The following PACRG variants were observed in gnomAD, a reference collection of about 807,000 sequenced individuals.
The protein encoded by PACRG is parkin coregulated.
Under a neutral mutation model 29.7 loss-of-function variants are expected in PACRG, and 29 were observed. The ratio of observed to expected loss-of-function variants is 0.98; its 90% confidence interval spans 0.73 to 1.33. PACRG has a LOEUF of 1.33. Ranked by LOEUF, PACRG falls within the 40% of genes most tolerant of loss-of-function variation. The pLI is 0.00. For synonymous variants in PACRG, 116 were observed against 118.7 expected (o/e 0.98, Z 0.15); for missense variants, 279 against 316.2 (o/e 0.88, Z 0.89).
At chr6:163,096,676 A>G (rs1051310617) in intron 4 of PACRG, among the ~76,000 whole-genome samples, 1 of 152,200 alleles carries the variant, frequency 6.6e-6, no homozygotes, top group Non-Finnish European at 1.5e-5. Flanking sequence ...CAGGAGTTCT[A>G]CTTGGAGAGA....
At chr6:163,056,818 C>G (rs1018355466) in intron 2 of PACRG, among the ~76,000 whole-genome samples, 2 of 152,170 alleles carry the variant, frequency 1.3e-5, no homozygotes, top group Non-Finnish European at 2.9e-5. Flanking sequence ...ATGCTCCACC[C>G]CTCTAATGCA....
At chr6:162,746,318 C>T (rs1260993412) in intron 1 of PACRG, among the ~76,000 whole-genome samples, 3 of 152,130 alleles carry the variant, frequency 2.0e-5, no homozygotes, top group Non-Finnish European at 4.4e-5. Flanking sequence ...AGTAAAATGA[C>T]ACAGTGTTAA....
intron 4 of PACRG, among the ~76,000 whole-genome samples, chr6:163,116,641 G>A (rs1240295893): frequency 6.7e-6 from 1 of 150,300 alleles, no homozygotes; most frequent in African/African-American, 2.5e-5. Flanking sequence ...GAGTGTAGAT[G>A]TTTGCTCATG....
At chr6:162,927,351 A>G (rs1797519995) in intron 2 of PACRG, among the ~76,000 whole-genome samples, 1 of 152,106 alleles carries the variant, frequency 6.6e-6, no homozygotes, top group Non-Finnish European at 1.5e-5. Context: ...ATACATGCAA[A>G]TGTATGTTTA....
rs7746885 is a variant in PACRG, at chr6:163,014,226, T to G, written c.292-47924T>G. On this transcript the variant is annotated intron_variant, in intron 2 of 4. Coordinates refer to ENST00000366888, the MANE Select transcript of PACRG (RefSeq NM_001080379.2). ...GCTGCAAAGTAGTCTATGGTGTATATGTACCACATTTTCTTTATCCAATTC... is the reference window on the plus strand; with the variant it reads ...GCTGCAAAGTAGTCTATGGTGTATAGGTACCACATTTTCTTTATCCAATTC... Among the ~76,000 whole-genome samples the G allele has an allele frequency of 4.9e-3, 751 of 152,322 alleles. 7 individuals carry two copies. The highest frequency in any genetic ancestry group is 0.017 in the African/African-American group (719 of 41,582).
chr6:163,224,255 G>GC (rs1781696209), intron 4 of PACRG, among the ~76,000 whole-genome samples: 1 of 149,614 alleles, frequency 6.7e-6, no homozygotes, highest in Non-Finnish European at 1.5e-5. Context: ...TGTAATCCCA[G>GC]CTACTCAGGA....
At chr6:162,768,442 T>C (rs1214141182) in intron 1 of PACRG, among the ~76,000 whole-genome samples, 1 of 152,108 alleles carries the variant, frequency 6.6e-6, no homozygotes, top group African/African-American at 2.4e-5. Context: ...ATTTCACTTA[T>C]TGTGCTTTCA....
At chr6:162,916,532 A>G (rs1796706967) in intron 2 of PACRG, among the ~76,000 whole-genome samples, 2 of 152,048 alleles carry the variant, frequency 1.3e-5, no homozygotes, top group African/African-American at 4.8e-5. Context: ...GTTATGCAGT[A>G]CCTTCTGCAT....
chr6:162,917,575 A>T (rs1290418685), intron 2 of PACRG, among the ~76,000 whole-genome samples: 3 of 152,196 alleles, frequency 2.0e-5, no homozygotes, highest in Admixed American at 6.5e-5. Context: ...AGCCAGATAT[A>T]ATTTTAAATC....
chr6:163,080,308 T>C (rs1448929729), intron 3 of PACRG, among the ~76,000 whole-genome samples: 3 of 152,072 alleles, frequency 2.0e-5, no homozygotes, highest in Non-Finnish European at 2.9e-5. Context: ...ACCCCAATCT[T>C]TGCAGATGAA....
intron 1 of PACRG, among the ~76,000 whole-genome samples, chr6:162,798,550 A>G (rs1785576238): frequency 6.6e-6 from 1 of 151,934 alleles, no homozygotes; most frequent in Non-Finnish European, 1.5e-5. Context: ...TTTTATTTTT[A>G]TTCATCTTAT....
intron 2 of PACRG, among the ~76,000 whole-genome samples, chr6:162,837,505 G>A (rs1789335763): frequency 6.6e-6 from 1 of 152,124 alleles, no homozygotes; most frequent in South Asian, 2.1e-4. Context: ...AGCAGAGGAT[G>A]AGATGCAAGT....
chr6:162,730,066 T>C (rs111600784), intron 1 of PACRG, among the ~76,000 whole-genome samples: 60 of 151,182 alleles, frequency 4.0e-4, no homozygotes, highest in Non-Finnish European at 4.4e-4. Context: ...TGTCTCTCTT[T>C]TTTTTTTTTT....
chr6:163,263,141 A>G (rs947102180), intron 4 of PACRG, among the ~76,000 whole-genome samples: 22 of 133,874 alleles, frequency 1.6e-4, no homozygotes, highest in African/African-American at 6.2e-4. Flanking sequence ...TTAACTTGAT[A>G]ACTGGGGCCA....
chr6:162,739,844 A>T (rs1408146943), intron 1 of PACRG, among the ~76,000 whole-genome samples: 1 of 85,798 alleles, frequency 1.2e-5, no homozygotes, highest in Admixed American at 1.5e-4. Context: ...CCATCTTTAA[A>T]AAAAAAAAAA....
chr6:163,288,413 C>T (rs1209204492), intron 4 of PACRG, among the ~76,000 whole-genome samples: 1 of 152,186 alleles, frequency 6.6e-6, no homozygotes, highest in African/African-American at 2.4e-5. Flanking sequence ...TTACCTGTTA[C>T]AGTTTCTTGG....
At chr6:162,903,735 T>C (rs868348780) in intron 2 of PACRG, among the ~76,000 whole-genome samples, 10 of 152,184 alleles carry the variant, frequency 6.6e-5, no homozygotes, top group Non-Finnish European at 1.2e-4. Flanking sequence ...TATATACTTA[T>C]GACTGTCTCT....
intron 2 of PACRG, among the ~76,000 whole-genome samples, chr6:162,982,323 T>G (rs1021035906): frequency 1.2e-4 from 18 of 152,062 alleles, no homozygotes; most frequent in Non-Finnish European, 2.5e-4. Flanking sequence ...ATCTTTGTCA[T>G]TTCTTTTCTT....
chr6:163,033,317 G>C (rs1339842646), intron 2 of PACRG, among the ~76,000 whole-genome samples: 5 of 152,168 alleles, frequency 3.3e-5, no homozygotes, highest in Non-Finnish European at 7.3e-5. Context: ...ACTCTCTCCA[G>C]CGTTTAACTT....
Sources: allele counts gnomAD v4.1 joint callset (sites outside exome capture counted in the v4.1 genomes callset), GRCh38; gene constraint gnomAD v4.1.1; transcripts MANE v1.5; gene names NCBI Gene and HGNC (gene_info 2026-07-23, HGNC 2026-07-21).